GNAQ: variants seen among roughly 807,000 people sequenced by gnomAD.
The protein encoded by GNAQ is guanine nucleotide-binding protein G(q) subunit alpha.
In GNAQ, 8 loss-of-function variants were observed where a neutral mutation model predicts 43.9. That is an observed-to-expected ratio of 0.18 (90% CI 0.11 to 0.33). GNAQ has a LOEUF of 0.33. Among genes scored for constraint, GNAQ ranks in the 10% least tolerant of loss-of-function variants. The pLI is 1.00. For synonymous variants in GNAQ, 155 were observed against 170.7 expected (o/e 0.91, Z 0.71); for missense variants, 158 against 450.8 (o/e 0.35, Z 5.88).
At chr9:77,937,469 G>T (rs1186042891) in intron 1 of GNAQ, among the ~76,000 whole-genome samples, 1 of 152,134 alleles carries the variant, frequency 6.6e-6, no homozygotes, top group African/African-American at 2.4e-5. Context: ...AAAATGTAGA[G>T]TTCAATGATT....
chr9:77,801,819 C>T (rs931040236), intron 3 of GNAQ, among the ~76,000 whole-genome samples: 1 of 152,136 alleles, frequency 6.6e-6, no homozygotes, highest in African/African-American at 2.4e-5. Context: ...ATCTGGGAAG[C>T]TACCCAGGAT....
intron 1 of GNAQ, among the ~76,000 whole-genome samples, chr9:77,949,759 G>A (rs1277118412): frequency 6.6e-6 from 1 of 152,206 alleles, no homozygotes; most frequent in African/African-American, 2.4e-5. Flanking sequence ...AGATTCACAT[G>A]CACATTCTCC....
At chr9:77,927,527 T>C (rs1829086953) in intron 1 of GNAQ, among the ~76,000 whole-genome samples, 1 of 151,960 alleles carries the variant, frequency 6.6e-6, no homozygotes, top group African/African-American at 2.4e-5. Flanking sequence ...AATCACTGAA[T>C]ACTACCAGGA....
At chr9:77,954,150 G>A (rs1419614561) in intron 1 of GNAQ, among the ~76,000 whole-genome samples, 1 of 152,098 alleles carries the variant, frequency 6.6e-6, no homozygotes, top group Admixed American at 6.5e-5. Context: ...ATTTGATACT[G>A]GGAAGTAAGT....
At chr9:77,800,871 T>G (rs1420345183) in intron 3 of GNAQ, among the ~76,000 whole-genome samples, 1 of 152,216 alleles carries the variant, frequency 6.6e-6, no homozygotes, top group African/African-American at 2.4e-5. Context: ...AAGTTCACCA[T>G]TTAACTACTG....
At chr9:77,986,870 A>G (rs553293782) in intron 1 of GNAQ, among the ~76,000 whole-genome samples, 1 of 144,158 alleles carries the variant, frequency 6.9e-6, no homozygotes, top group African/African-American at 2.6e-5. Context: ...AATTATTTAC[A>G]TATGTGTGTA....
intron 2 of GNAQ, among the ~76,000 whole-genome samples, chr9:77,820,123 A>G (rs1348329253): frequency 2.6e-5 from 4 of 152,052 alleles, no homozygotes; most frequent in Non-Finnish European, 5.9e-5. Flanking sequence ...ATAGTACAAA[A>G]AATATAAACC....
At chr9:77,909,251 G>A (rs1237630766) in intron 2 of GNAQ, among the ~76,000 whole-genome samples, 1 of 152,170 alleles carries the variant, frequency 6.6e-6, no homozygotes, top group Non-Finnish European at 1.5e-5. Context: ...CCCAACTTTA[G>A]TGAGGTACTT....
At position 77,716,220 on chromosome 9, in the gene GNAQ, C is replaced by T. The variant is rs967059185; in HGVS notation, c.*5103G>A. 4.6e-6 allele frequency: 1 copy of T among 215,528 alleles called. No individual in the cohort carries two copies. Among genetic ancestry groups the T allele is most frequent in the Non-Finnish European group, 9.3e-6 (1 of 107,264 alleles). The allele number at this position is 215,528 out of a possible 1,614,324, so 13.4% of individuals were successfully genotyped here. A position where few individuals can be genotyped will look rare whatever the true frequency, so the allele number is the denominator to read the frequency against. ...AATACAAAACATTCTGAGAGGGGCT[C>T]GGGCAACTTTAATGGAAGCAAAACT... On this transcript the variant is annotated 3_prime_UTR_variant, in exon 7 of 7. Coordinates refer to ENST00000286548, the MANE Select transcript of GNAQ (RefSeq NM_002072.5).
At chr9:77,857,643 G>GT (rs1827778235) in intron 2 of GNAQ, among the ~76,000 whole-genome samples, 1 of 127,552 alleles carries the variant, frequency 7.8e-6, no homozygotes, top group African/African-American at 2.9e-5. Flanking sequence ...AGGACGGAAA[G>GT]GGGGGAAGGA....
chr9:77,848,767 T>C (rs942931319), intron 2 of GNAQ, among the ~76,000 whole-genome samples: 2 of 152,202 alleles, frequency 1.3e-5, no homozygotes, highest in African/African-American at 4.8e-5. Flanking sequence ...GGCTTCTGGC[T>C]TCCCTAAGGC....
chr9:77,944,332 C>T lies in GNAQ; in HGVS notation c.137-21987G>A, dbSNP rs200368091. Among the ~76,000 whole-genome samples, 14 of 151,628 alleles carry T rather than the reference C, an allele frequency of 9.2e-5. No individual in the cohort carries two copies. The East Asian group carries it at 2.7e-3, about 29-fold the overall frequency. On this transcript the variant is annotated intron_variant, in intron 1 of 6. Coordinates refer to ENST00000286548, the MANE Select transcript of GNAQ (RefSeq NM_002072.5). ...TCCGCCATACCAGATCACCTGGCTC[C>T]ATCAAACAACCAATAGAGGCTGTTT... is the stretch of plus-strand genomic sequence containing the variant.
At chr9:77,873,045 G>C (rs564542707) in intron 2 of GNAQ, among the ~76,000 whole-genome samples, 1 of 152,214 alleles carries the variant, frequency 6.6e-6, no homozygotes, top group African/African-American at 2.4e-5. Flanking sequence ...TCGCTGGAAA[G>C]AGAATGTATT....
chr9:77,800,711 TAATA>T (rs1309407442), intron 3 of GNAQ, among the ~76,000 whole-genome samples: 18 of 152,112 alleles, frequency 1.2e-4, no homozygotes, highest in Admixed American at 9.2e-4. Flanking sequence ...TAAAGTATAA[TAATA>T]AATAAATTTA....
chr9:77,793,228 C>T (rs1178076374), intron 5 of GNAQ, among the ~76,000 whole-genome samples: 1 of 152,088 alleles, frequency 6.6e-6, no homozygotes, highest in African/African-American at 2.4e-5. Flanking sequence ...TTGTAGCATG[C>T]TTTTAGGCAC....
At chr9:77,791,295 A>C (rs998675128) in intron 5 of GNAQ, among the ~76,000 whole-genome samples, 1 of 152,204 alleles carries the variant, frequency 6.6e-6, no homozygotes, top group African/African-American at 2.4e-5. Context: ...CAGAAAAATA[A>C]AGATTAAAAG....
chr9:77,730,909 G>C (rs1258596249), intron 5 of GNAQ, among the ~76,000 whole-genome samples: 6 of 152,092 alleles, frequency 3.9e-5, no homozygotes, highest in Non-Finnish European at 8.8e-5. Flanking sequence ...AAAATTTAAA[G>C]AAAGTTAATT....
At chr9:77,997,445 A>T (rs2118540127) in intron 1 of GNAQ, among the ~76,000 whole-genome samples, 1 of 152,116 alleles carries the variant, frequency 6.6e-6, no homozygotes, top group South Asian at 2.1e-4. Context: ...TCTGTCTCCA[A>T]TTGCTTCTTG....
At chr9:78,005,297 G>C (rs1050469249) in intron 1 of GNAQ, among the ~76,000 whole-genome samples, 11 of 152,140 alleles carry the variant, frequency 7.2e-5, no homozygotes, top group African/African-American at 2.4e-4. Context: ...TGCCCGCCTT[G>C]GCCTCCCAAA....
Sources: gnomAD v4.1 joint callset for allele counts (sites outside exome capture counted in the v4.1 genomes callset) on GRCh38, gnomAD v4.1.1 for gene constraint, MANE v1.5 for transcripts, NCBI Gene and HGNC (gene_info 2026-07-23, HGNC 2026-07-21) for gene names.